Variants in DLG2 observed in about 807,000 individuals in gnomAD.
DLG2 encodes discs large MAGUK scaffold protein 2.
Under a neutral mutation model 132.5 loss-of-function variants are expected in DLG2, and 45 were observed. The ratio of observed to expected loss-of-function variants is 0.34; its 90% CI spans 0.27 to 0.44. The LOEUF is 0.44. Ranked by LOEUF, DLG2 falls within the 20% of genes least tolerant of loss-of-function variation. The pLI is 1.00. For synonymous variants in DLG2, 424 were observed against 419.6 expected (o/e 1.01, Z -0.13); for missense variants, 1,045 against 1,196.9 (o/e 0.87, Z 1.87).
chr11:84,328,527 A>C (rs1167879164), intron 7 of DLG2, among the ~76,000 whole-genome samples: 3 of 152,204 alleles, frequency 2.0e-5, no homozygotes, highest in South Asian at 2.1e-4. Context: ...AGCTGTCATA[A>C]CCAGAATTTG....
intron 3 of DLG2, among the ~76,000 whole-genome samples, chr11:85,287,772 TA>T (rs1349572230): frequency 3.9e-5 from 6 of 152,116 alleles, no homozygotes; most frequent in African/African-American, 1.4e-4. Context: ...TAAATTGTGA[TA>T]TGTTCTCAAG....
chr11:84,819,785 G>A (rs1437800434), intron 6 of DLG2, among the ~76,000 whole-genome samples: 2 of 151,688 alleles, frequency 1.3e-5, no homozygotes. Context: ...AATGAAAGTG[G>A]CAGCAGCTGA....
chr11:84,327,205 C>T (rs967834786), intron 7 of DLG2, among the ~76,000 whole-genome samples: 6 of 150,270 alleles, frequency 4.0e-5, no homozygotes, highest in African/African-American at 7.4e-5. Flanking sequence ...CAACCTCTGC[C>T]TCCTGGTAGC....
intron 3 of DLG2, among the ~76,000 whole-genome samples, chr11:85,527,768 C>A (rs2074893556): frequency 6.6e-6 from 1 of 152,170 alleles, no homozygotes; most frequent in Non-Finnish European, 1.5e-5. Flanking sequence ...TGAGGCATCA[C>A]CACACTGTCT....
chr11:85,568,151 A>G (rs1239515080), intron 3 of DLG2, among the ~76,000 whole-genome samples: 1 of 151,478 alleles, frequency 6.6e-6, no homozygotes, highest in Non-Finnish European at 1.5e-5. Flanking sequence ...AGTAGCTCGG[A>G]TTACAGGCAT....
chr11:83,676,015 C>A (rs1476584488), intron 18 of DLG2, among the ~76,000 whole-genome samples: 1 of 152,174 alleles, frequency 6.6e-6, no homozygotes, highest in Non-Finnish European at 1.5e-5. Context: ...TTTCCAGCAT[C>A]CTTCCCCACC....
chr11:83,668,516 T>C (rs2076131848), intron 18 of DLG2, among the ~76,000 whole-genome samples: 2 of 152,090 alleles, frequency 1.3e-5, no homozygotes, highest in African/African-American at 4.8e-5. Context: ...AGGTAATCAC[T>C]GTTTTCTCTG....
chr11:84,152,339 TG>T (rs1387470813), intron 9 of DLG2, among the ~76,000 whole-genome samples: 3 of 149,086 alleles, frequency 2.0e-5, no homozygotes, highest in Non-Finnish European at 3.0e-5. Context: ...TCTGTTTGTT[TG>T]TTTGTTTTTT....
chr11:85,008,096 A>G (rs907611058), intron 6 of DLG2, among the ~76,000 whole-genome samples: 2 of 152,218 alleles, frequency 1.3e-5, no homozygotes, highest in Non-Finnish European at 2.9e-5. Context: ...CACGAAAACT[A>G]TTATATAAAT....
At chr11:85,145,711 T>C (rs1011230615) in intron 5 of DLG2, among the ~76,000 whole-genome samples, 1 of 152,062 alleles carries the variant, frequency 6.6e-6, no homozygotes, top group Admixed American at 6.6e-5. Context: ...GTTAAATTTC[T>C]GGGATAAGAT....
intron 18 of DLG2, among the ~76,000 whole-genome samples, chr11:83,704,957 T>G (rs937893229): frequency 6.6e-6 from 1 of 152,208 alleles, no homozygotes. Flanking sequence ...ATCATTTGTA[T>G]CCCAAATCTC....
chr11:84,413,482 T>G (rs999474642), intron 7 of DLG2, among the ~76,000 whole-genome samples: 12 of 152,208 alleles, frequency 7.9e-5, no homozygotes, highest in African/African-American at 2.9e-4. Flanking sequence ...ACTTTTGTGG[T>G]AGCACAAGGG....
intron 7 of DLG2, among the ~76,000 whole-genome samples, chr11:84,265,960 C>A (rs777130764): frequency 2.5e-4 from 38 of 152,088 alleles, no homozygotes; most frequent in Non-Finnish European, 5.0e-4. Flanking sequence ...TAACTCTGAA[C>A]AGCTGTCTAT....
rs557743958 is a variant in DLG2 at position 83,659,019 on chromosome 11, CACTT to C, written c.1826-25698_1826-25695del. ...TCCTCCTGTCCAGATATGGTACTCT[CACTT>C]ACTGTCTTGTATTGCCTTGGCTGCC... is the stretch of plus-strand genomic sequence containing the variant. On this transcript the variant is annotated intron_variant, in intron 18 of 27. Coordinates refer to ENST00000376104, the MANE Select transcript of DLG2 (RefSeq NM_001142699.3). 4.9e-4 allele frequency among the ~76,000 whole-genome samples: 74 copies of C among 152,332 alleles called. 1 individual carries two copies. In the South Asian group the frequency reaches 7.9e-3, roughly 16 times the overall value.
chr11:83,945,191 G>A (rs11233833), intron 14 of DLG2, among the ~76,000 whole-genome samples: 11,634 of 152,246 alleles, frequency 0.076, 611 homozygotes, highest in Non-Finnish European at 0.12. Flanking sequence ...CTTCAGAATC[G>A]CTTGAACTCG....
intron 4 of DLG2, among the ~76,000 whole-genome samples, chr11:85,257,161 G>A (rs545747714): frequency 3.7e-4 from 56 of 152,200 alleles, no homozygotes; most frequent in Non-Finnish European, 6.5e-4. Context: ...TACAAAAAGT[G>A]GGCCACCTAG....
chr11:84,401,290 C>T (rs1053794479), intron 7 of DLG2, among the ~76,000 whole-genome samples: 96 of 152,122 alleles, frequency 6.3e-4, no homozygotes, highest in African/African-American at 2.2e-3. Flanking sequence ...CCTCAAAACC[C>T]CCTGTACTTT....
intron 8 of DLG2, among the ~76,000 whole-genome samples, chr11:84,228,983 T>C (rs564141799): frequency 7.9e-5 from 12 of 152,218 alleles, no homozygotes; most frequent in Admixed American, 5.2e-4. Context: ...GTGGTGAGGA[T>C]CAAATAAATT....
At chr11:83,664,847 C>A (rs1026654768) in intron 18 of DLG2, among the ~76,000 whole-genome samples, 7 of 152,158 alleles carry the variant, frequency 4.6e-5, no homozygotes, top group Non-Finnish European at 1.0e-4. Context: ...GAAGCCAGCA[C>A]TAACATTTAT....
Sources: gnomAD v4.1 joint callset for allele counts (sites outside exome capture counted in the v4.1 genomes callset) on GRCh38, gnomAD v4.1.1 for gene constraint, MANE v1.5 for transcripts, NCBI Gene and HGNC (gene_info 2026-07-23, HGNC 2026-07-21) for gene names.